The following RFX4 variants were observed in gnomAD, a reference collection of about 807,000 sequenced individuals.
RFX4 encodes transcription factor RFX4.
Under a neutral mutation model 95.0 loss-of-function variants are expected in RFX4, and 10 were observed. That is an observed-to-expected ratio of 0.11 (90% CI 0.06 to 0.18). RFX4 has a LOEUF of 0.18. RFX4 is among the 10% of genes least tolerant of loss of function. The pLI, the probability that RFX4 is intolerant of heterozygous loss-of-function variation, is 1.00. For synonymous variants in RFX4, 321 were observed against 340.7 expected (o/e 0.94, Z 0.64); for missense variants, 640 against 922.0 (o/e 0.69, Z 3.96).
rs528720521 is a variant in RFX4, at chr12:106,691,940, T to C, written c.669+2576T>C. Among the ~76,000 whole-genome samples, 159 of 152,204 alleles carry C rather than the reference T, an allele frequency of 1.0e-3. 4 individuals carry two copies. Among genetic ancestry groups the C allele is most frequent in the Non-Finnish European group, 7.4e-5 (5 of 68,004 alleles). ...TTGGGAGGCCGAGGTGGGCAGATCA[T>C]GAGGTCAAGAGATCAAGATCATCCT... On this transcript the variant is annotated intron_variant, in intron 7 of 17. Coordinates refer to ENST00000392842, the MANE Select transcript of RFX4 (RefSeq NM_213594.3).
chr12:106,698,784 G>T (rs1037208334), intron 8 of RFX4, among the ~76,000 whole-genome samples: 14 of 151,626 alleles, frequency 9.2e-5, no homozygotes, highest in African/African-American at 3.4e-4. Context: ...CATTCCCGAT[G>T]TAGGTAATTT....
Position 106,583,263 on chromosome 12 carries a change from A to G in RFX4, c.-58A>G. On this transcript the variant is annotated 5_prime_UTR_variant, in exon 1 of 18. Coordinates refer to ENST00000392842, the MANE Select transcript of RFX4 (RefSeq NM_213594.3). ...CTTCCTCCCTGGGCATCTCTAGCAC[A>G]GGGGATCCCCAAACATCAGGACTTT... The G allele has an allele frequency of 2.9e-6, 4 of 1,359,760 alleles. No individual in the cohort carries two copies. The highest frequency in any genetic ancestry group is 2.3e-5 in the Admixed American group (1 of 43,890). 84.2% of individuals were successfully genotyped at this position (1,359,760 alleles called of 1,614,324 possible). A position where few individuals can be genotyped will look rare whatever the true frequency, so the allele number is the denominator to read the frequency against.
At chr12:106,715,891 T>TGA (rs2042280156) in intron 11 of RFX4, among the ~76,000 whole-genome samples, 1 of 152,210 alleles carries the variant, frequency 6.6e-6, no homozygotes. Flanking sequence ...TATGTCAGCC[T>TGA]GGGGTCAGCT....
rs540305523 is a variant in RFX4 at position 106,586,579 on chromosome 12, T to A, written c.43+3216T>A. Among the ~76,000 whole-genome samples the A allele has an allele frequency of 1.3e-5, 2 of 152,118 alleles. No individual in the cohort carries two copies. The highest frequency in any genetic ancestry group is 3.9e-4 in the East Asian group (2 of 5,162). ...CACTGCCAAGCTGGAGCTGGAAACT[T>A]CTGCCTCCATCCACTTTCCGCTCCC... is the stretch of plus-strand genomic sequence containing the variant. On this transcript the variant is annotated intron_variant, in intron 1 of 17. Coordinates refer to ENST00000392842, the MANE Select transcript of RFX4 (RefSeq NM_213594.3). The surrounding 1 kb of genome is among the most constrained non-coding windows in gnomAD (Gnocchi z 5.6).
chr12:106,721,123 A>AG (rs1477088043), intron 13 of RFX4, among the ~76,000 whole-genome samples: 29 of 152,156 alleles, frequency 1.9e-4, no homozygotes, highest in Admixed American at 1.9e-3. Context: ...TTAAAGAAGA[A>AG]TAAATTGCAG....
At chr12:106,695,642 T>C (rs1485501493) in intron 7 of RFX4, among the ~76,000 whole-genome samples, 1 of 152,328 alleles carries the variant, frequency 6.6e-6, no homozygotes, top group South Asian at 2.1e-4. Context: ...ACACTTCATG[T>C]GCCCACATAG....
chr12:106,686,140 C>T (rs1592938190), intron 5 of RFX4, among the ~76,000 whole-genome samples: 1 of 152,154 alleles, frequency 6.6e-6, no homozygotes, highest in Non-Finnish European at 1.5e-5. Context: ...AGGCCAGGCG[C>T]GGTGGCTCAT....
chr12:106,752,388 C>T (rs141197519), intron 17 of RFX4, among the ~76,000 whole-genome samples: 1 of 152,292 alleles, frequency 6.6e-6, no homozygotes, highest in African/African-American at 2.4e-5. Context: ...GGCTGGCCCA[C>T]AGTGGGTGCT....
chr12:106,698,066 G>A (rs897506006), intron 8 of RFX4, among the ~76,000 whole-genome samples: 7 of 151,450 alleles, frequency 4.6e-5, no homozygotes, highest in South Asian at 2.1e-4. Flanking sequence ...TCTGCCTCCC[G>A]GGTTCAAGTG....
chr12:106,628,578 T>A (rs1283407855), intron 2 of RFX4, among the ~76,000 whole-genome samples: 14 of 152,070 alleles, frequency 9.2e-5, no homozygotes, highest in African/African-American at 3.1e-4. Flanking sequence ...TAGTTTTGAA[T>A]AGATAATACA....
At chr12:106,714,068 C>CAAAAAAAAAACAAAAAAAAAAAAAA (rs2042240020) in intron 10 of RFX4, among the ~76,000 whole-genome samples, 1 of 30,524 alleles carries the variant, frequency 3.3e-5, no homozygotes, top group Non-Finnish European at 5.9e-5. Context: ...AACTCCATCT[C>CAAAAAAAAAACAAAAAAAAAAAAAA]AAAAAAAAAA....
chr12:106,692,359 C>A (rs1232930002), intron 7 of RFX4, among the ~76,000 whole-genome samples: 1 of 152,060 alleles, frequency 6.6e-6, no homozygotes, highest in African/African-American at 2.4e-5. Context: ...AATAATTATA[C>A]CTATCTCATA....
intron 3 of RFX4, 75 bp from the exon 4 acceptor site, chr12:106,654,153 G>C (rs1565965992): frequency 6.3e-7 from 1 of 1,587,754 alleles, no homozygotes; most frequent in East Asian, 2.2e-5. Flanking sequence ...CATCTCTGGA[G>C]GACTAGAAAG....
chr12:106,654,108 C>T (rs1006532252), intron 3 of RFX4, 120 bp from the exon 4 acceptor site: 2 of 1,357,900 alleles, frequency 1.5e-6, no homozygotes, highest in South Asian at 2.4e-5. Context: ...CCAGCTTCTC[C>T]ACCTGTAGAA....
chr12:106,686,457 C>T (rs4964186), intron 5 of RFX4, among the ~76,000 whole-genome samples: 53,266 of 150,788 alleles, frequency 0.35, 9,461 homozygotes, highest in African/African-American at 0.39. Flanking sequence ...AAGGAAAACA[C>T]AGGCCAAATG....
At chr12:106,669,318 T>C (rs2041236542) in intron 4 of RFX4, among the ~76,000 whole-genome samples, 1 of 152,100 alleles carries the variant, frequency 6.6e-6, no homozygotes, top group South Asian at 2.1e-4. Context: ...GAAGCTGAGG[T>C]GACAGATGTG....
At chr12:106,698,906 T>G (rs1183699719) in intron 8 of RFX4, among the ~76,000 whole-genome samples, 4 of 152,110 alleles carry the variant, frequency 2.6e-5, no homozygotes, top group Non-Finnish European at 5.9e-5. Flanking sequence ...TTCAATTTTA[T>G]TGACTTTTGC....
rs77713501 is a variant in RFX4 at position 106,747,555 on chromosome 12, C to G, written c.1752C>G (p.Ser584=). 1 of 1,613,934 alleles carries G rather than the reference C, an allele frequency of 6.2e-7. No individual in the cohort carries two copies. Among genetic ancestry groups the G allele is most frequent in the African/African-American group, 1.3e-5 (1 of 74,906 alleles). The change falls in exon 16 of 18, where the codon TCC becomes TCG. Residue 584 remains serine, a synonymous_variant. Transcript: ENST00000392842. ...CMRNTHVPSS[S]VTHRIPVYPH... ...GGAACACTCATGTGCCTTCTTCCTC[C>G]GTCACACACAGGATACCAGTTTATC...
At chr12:106,591,504 G>A (rs1236947464) in intron 1 of RFX4, among the ~76,000 whole-genome samples, 1 of 152,038 alleles carries the variant, frequency 6.6e-6, no homozygotes, top group Non-Finnish European at 1.5e-5. Flanking sequence ...CTGACCTTGT[G>A]ATCCACCCAC....
Sources: gnomAD v4.1 joint callset for allele counts (sites outside exome capture counted in the v4.1 genomes callset) on GRCh38, gnomAD v4.1.1 for gene constraint, Gnocchi (gnomAD v3.1) non-coding constraint, MANE v1.5 for transcripts, NCBI Gene and HGNC (gene_info 2026-07-23, HGNC 2026-07-21) for gene names.